Variants in FTO observed in about 807,000 individuals in gnomAD.
FTO encodes alpha-ketoglutarate-dependent dioxygenase FTO.
A neutral mutation model predicts 63.9 loss-of-function variants in FTO; 47 were observed. The observed-to-expected ratio is 0.74, with a 90% CI of 0.58 to 0.94. The LOEUF is 0.94. Ranked by LOEUF, FTO falls within the 40% of genes least tolerant of loss-of-function variation. The pLI is 0.00. For missense variants in FTO, 562 were observed against 618.1 expected (o/e 0.91, Z 0.96); for synonymous variants, 207 against 224.4 (o/e 0.92, Z 0.69).
chr16:53,729,837 C>G (rs888280816), intron 1 of FTO, among the ~76,000 whole-genome samples: 2 of 152,206 alleles, frequency 1.3e-5, no homozygotes, highest in Non-Finnish European at 2.9e-5. Context: ...TCTTCTGAGA[C>G]TTCTGTGATT....
intron 8 of FTO, among the ~76,000 whole-genome samples, chr16:54,026,084 G>A (rs2144182814): frequency 1.3e-5 from 2 of 152,290 alleles, no homozygotes; most frequent in Middle Eastern, 3.4e-3. Context: ...CATTTTGCTG[G>A]AGAAATGGCT....
chr16:53,903,002 C>T (rs1342588258), intron 7 of FTO, among the ~76,000 whole-genome samples: 8 of 152,036 alleles, frequency 5.3e-5, no homozygotes, highest in Admixed American at 2.0e-4. Context: ...TCCAGCTACT[C>T]GGGAGGGTGG....
At chr16:53,741,195 G>A (rs1272365424) in intron 1 of FTO, among the ~76,000 whole-genome samples, 1 of 152,152 alleles carries the variant, frequency 6.6e-6, no homozygotes, top group Non-Finnish European at 1.5e-5. Context: ...TTAGTAGTTA[G>A]TTATAGGCCT....
At chr16:54,054,338 G>A (rs2085380718) in intron 8 of FTO, among the ~76,000 whole-genome samples, 1 of 152,178 alleles carries the variant, frequency 6.6e-6, no homozygotes, top group Admixed American at 6.5e-5. Flanking sequence ...ACGGGGTGGT[G>A]CCAGTGGGGA....
chr16:54,083,452 C>T (rs2086192658), intron 8 of FTO, among the ~76,000 whole-genome samples: 1 of 152,130 alleles, frequency 6.6e-6, no homozygotes, highest in African/African-American at 2.4e-5. Flanking sequence ...CAATAAAAAG[C>T]ATGCTCTTTA....
chr16:53,991,395 C>T (rs1265231077), intron 8 of FTO: 1 of 152,208 alleles, frequency 6.6e-6, no homozygotes, highest in Non-Finnish European at 1.5e-5. Context: ...AAATGAGTCT[C>T]TGCCATGATG....
In FTO at chr16:53,853,005, A is replaced by G. The variant is rs1231619857; in HGVS notation, c.895+8707A>G. Among the ~76,000 whole-genome samples the G allele has an allele frequency of 3.3e-5, 5 of 152,178 alleles. 1 individual carries two copies. The East Asian group carries it at 9.7e-4, about 29-fold the overall frequency. ...CCTTTGCCAATTCCATTAAAAAATC[A>G]TTTTAGGCTAGGTGCGGTGGCTCAC... On this transcript the variant is annotated intron_variant, in intron 4 of 8. Coordinates refer to ENST00000471389, the MANE Select transcript of FTO (RefSeq NM_001080432.3).
chr16:53,957,734 T>A (rs770348751), intron 8 of FTO, among the ~76,000 whole-genome samples: 2 of 152,258 alleles, frequency 1.3e-5, no homozygotes, highest in Non-Finnish European at 2.9e-5. Flanking sequence ...TCTCAAATTA[T>A]CAGTAACCTG....
At chr16:53,704,956 T>A (rs1214832367) in intron 1 of FTO, among the ~76,000 whole-genome samples, 1 of 152,108 alleles carries the variant, frequency 6.6e-6, no homozygotes, top group African/African-American at 2.4e-5. Flanking sequence ...AGTGTTTTCC[T>A]TTCTCTCATT....
At chr16:54,094,358 C>A (rs563582175) in intron 8 of FTO, among the ~76,000 whole-genome samples, 2 of 152,314 alleles carry the variant, frequency 1.3e-5, no homozygotes, top group African/African-American at 4.8e-5. Flanking sequence ...TTGCTAGCAG[C>A]ACCGCAAAAA....
At chr16:53,956,287 A>G (rs907200440) in intron 8 of FTO, among the ~76,000 whole-genome samples, 6 of 152,268 alleles carry the variant, frequency 3.9e-5, no homozygotes, top group Middle Eastern at 3.4e-3. Flanking sequence ...TGCCGTTGAT[A>G]TGCTAAATGT....
At chr16:53,718,118 A>T (rs375346991) in intron 1 of FTO, among the ~76,000 whole-genome samples, 2 of 152,086 alleles carry the variant, frequency 1.3e-5, no homozygotes, top group East Asian at 3.8e-4. Flanking sequence ...AAATAACTGA[A>T]ATATTTGTGG....
At chr16:53,811,575 C>A (rs11642841) in intron 2 of FTO, among the ~76,000 whole-genome samples, 44,229 of 151,936 alleles carry the variant, frequency 0.29, 8,058 homozygotes, top group Non-Finnish European at 0.41. Context: ...TCTTTGCCCC[C>A]CTTCATCCTT....
At chr16:53,760,684 T>TG (rs1183818764) in intron 1 of FTO, among the ~76,000 whole-genome samples, 1 of 146,472 alleles carries the variant, frequency 6.8e-6, no homozygotes, top group Non-Finnish European at 1.5e-5. Context: ...TGGAGTGTAG[T>TG]GGCATGATCT....
At chr16:53,816,502 C>T (rs1429038605) in intron 2 of FTO, among the ~76,000 whole-genome samples, 1 of 151,882 alleles carries the variant, frequency 6.6e-6, no homozygotes, top group Non-Finnish European at 1.5e-5. Flanking sequence ...ACTCCCCACC[C>T]CCCCTCACAC....
chr16:54,099,998 G>A (rs2086601422), intron 8 of FTO, among the ~76,000 whole-genome samples: 1 of 152,102 alleles, frequency 6.6e-6, no homozygotes, highest in Admixed American at 6.5e-5. Flanking sequence ...GTCCTTTGTG[G>A]CAGGTTAACA....
At chr16:54,106,252 A>C (rs1599376771) in intron 8 of FTO, among the ~76,000 whole-genome samples, 1 of 151,998 alleles carries the variant, frequency 6.6e-6, no homozygotes, top group East Asian at 1.9e-4. Context: ...TTCATGAGTT[A>C]CACCTTGGTC....
chr16:53,883,646 A>AAAAAAAAAAAC (rs1555489016), intron 6 of FTO, among the ~76,000 whole-genome samples: 2 of 135,702 alleles, frequency 1.5e-5, no homozygotes, highest in African/African-American at 6.0e-5. Flanking sequence ...CAAAAAAAAA[A>AAAAAAAAAAAC]AAACAAATTT....
At chr16:53,818,995 T>C (rs1190941591) in intron 2 of FTO, among the ~76,000 whole-genome samples, 2 of 152,188 alleles carry the variant, frequency 1.3e-5, no homozygotes, top group Admixed American at 6.5e-5. Flanking sequence ...TTCTGATAGA[T>C]CTTGTCCAAT....
Sources: allele counts gnomAD v4.1 joint callset (sites outside exome capture counted in the v4.1 genomes callset), GRCh38; gene constraint gnomAD v4.1.1; transcripts MANE v1.5; gene names NCBI Gene and HGNC (gene_info 2026-07-23, HGNC 2026-07-21).